TRERF1: variants seen among roughly 807,000 people sequenced by gnomAD.
The protein encoded by TRERF1 is transcriptional regulating factor 1, also known as transcriptional-regulating factor 1.
Under a neutral mutation model 122.9 loss-of-function variants are expected in TRERF1, and 27 were observed. The observed-to-expected ratio is 0.22, with a 90% CI of 0.16 to 0.30. The LOEUF is 0.30. Ranked by LOEUF, TRERF1 falls within the 10% of genes least tolerant of loss-of-function variation. TRERF1 has a pLI of 1.00. For missense variants in TRERF1, 1,248 were observed against 1,560.3 expected, an observed-to-expected ratio of 0.80 and a Z score of 3.37; for synonymous variants, 636 against 641.7, an observed-to-expected ratio of 0.99 and a Z score of 0.13.
At chr6:42,287,562 C>T (rs892410140) in intron 4 of TRERF1, among the ~76,000 whole-genome samples, 5 of 152,134 alleles carry the variant, frequency 3.3e-5, no homozygotes, top group African/African-American at 9.7e-5. Context: ...CACCTCCTCC[C>T]GCCAAACAAA....
chr6:42,354,373 G>C (rs1770097463), intron 3 of TRERF1, among the ~76,000 whole-genome samples: 2 of 141,862 alleles, frequency 1.4e-5, no homozygotes, highest in African/African-American at 6.0e-5. Context: ...TCTTTCCCCA[G>C]TCTGTTGTTT....
At chr6:42,304,664 G>C (rs1325829400) in intron 3 of TRERF1, among the ~76,000 whole-genome samples, 1 of 152,110 alleles carries the variant, frequency 6.6e-6, no homozygotes, top group Admixed American at 6.5e-5. Flanking sequence ...AGAGATCCCA[G>C]AACAATCCAG....
At chr6:42,356,376 C>T (rs1408819449) in intron 3 of TRERF1, among the ~76,000 whole-genome samples, 6 of 152,122 alleles carry the variant, frequency 3.9e-5, no homozygotes. Flanking sequence ...GTGAAGCTCC[C>T]ACGATGGGAT....
chr6:42,422,847 T>C (rs972808745), intron 2 of TRERF1, among the ~76,000 whole-genome samples: 11 of 148,766 alleles, frequency 7.4e-5, no homozygotes, highest in African/African-American at 2.7e-4. Context: ...GTGAGCATCT[T>C]TTTTTTTTTG....
At chr6:42,431,838 G>A (rs1447086969) in intron 2 of TRERF1, among the ~76,000 whole-genome samples, 1 of 152,056 alleles carries the variant, frequency 6.6e-6, no homozygotes, top group East Asian at 1.9e-4. Flanking sequence ...TTCTGTCAAT[G>A]GAAGCTTCTG....
intron 2 of TRERF1, among the ~76,000 whole-genome samples, chr6:42,448,555 A>G (rs1003138700): frequency 6.6e-5 from 10 of 152,230 alleles, no homozygotes; most frequent in African/African-American, 2.4e-4. Context: ...ACCCAAGTCC[A>G]TGAAGCAATT....
rs186843369 is a variant in TRERF1, at chr6:42,254,740, G to A, written c.2656+111C>T. On this transcript the variant is annotated intron_variant, in intron 13 of 17. Coordinates refer to ENST00000372922, the Ensembl canonical transcript of TRERF1. ...GCCCTAGGAGGCCTTGAGATCACAA[G>A]TGGTGATTAGGACAGAACCGGTGTT... The A allele has an allele frequency of 4.1e-5, 41 of 1,001,004 alleles. No homozygotes were observed. The African/African-American group carries it at 5.4e-4, about 13-fold the overall frequency. 62.0% of individuals were successfully genotyped at this position (1,001,004 alleles called of 1,614,324 possible). A position where few individuals can be genotyped will look rare whatever the true frequency, so the allele number is the denominator to read the frequency against.
intron 2 of TRERF1, among the ~76,000 whole-genome samples, chr6:42,379,949 C>A (rs1204900208): frequency 1.3e-5 from 2 of 152,158 alleles, no homozygotes; most frequent in Non-Finnish European, 2.9e-5. Context: ...AAATAAATAT[C>A]TATATGCCAT....
At chr6:42,271,722 A>G (rs1780255518) in intron 4 of TRERF1, among the ~76,000 whole-genome samples, 1 of 152,220 alleles carries the variant, frequency 6.6e-6, no homozygotes, top group African/African-American at 2.4e-5. Flanking sequence ...TCAACTGTGT[A>G]CTATTAATAA....
At chr6:42,355,221 T>C (rs1770276958) in intron 3 of TRERF1, among the ~76,000 whole-genome samples, 1 of 152,214 alleles carries the variant, frequency 6.6e-6, no homozygotes, top group South Asian at 2.1e-4. Flanking sequence ...TTCCTTATAA[T>C]ATTAAAGATT....
chr6:42,258,053 A>G (rs1777085463), intron 10 of TRERF1, 82 bp downstream of exon 10: 1 of 1,216,672 alleles, frequency 8.2e-7, no homozygotes, highest in South Asian at 1.3e-5. Flanking sequence ...CTCTCAGTGT[A>G]ATCCTCTGAC....
intron 3 of TRERF1, among the ~76,000 whole-genome samples, chr6:42,320,506 A>ATTTTTTTTTTT (rs397977723): frequency 7.3e-6 from 1 of 136,752 alleles, no homozygotes; most frequent in African/African-American, 2.9e-5. Flanking sequence ...AAGTGAAAGA[A>ATTTTTTTTTTT]TTTTTTTTTT....
intron 4 of TRERF1, among the ~76,000 whole-genome samples, chr6:42,280,722 C>T (rs1365322647): frequency 1.3e-5 from 2 of 151,770 alleles, no homozygotes; most frequent in Non-Finnish European, 2.9e-5. Context: ...CTCTCGGGGC[C>T]CTTAGGAGGC....
chr6:42,352,695 C>T (rs1308496975), intron 3 of TRERF1, among the ~76,000 whole-genome samples: 9 of 152,028 alleles, frequency 5.9e-5, no homozygotes, highest in Admixed American at 5.9e-4. Context: ...TGTAAAGAGC[C>T]CTTGTGAGCC....
intron 4 of TRERF1, among the ~76,000 whole-genome samples, chr6:42,283,845 A>G (rs186112171): frequency 3.3e-5 from 5 of 151,842 alleles, no homozygotes; most frequent in Non-Finnish European, 7.4e-5. Flanking sequence ...CGAACTCCCA[A>G]CCTCAGGCAA....
In TRERF1 at chr6:42,393,113, C is replaced by T. The variant is rs553956625; in HGVS notation, c.-453-30034G>A. Among the ~76,000 whole-genome samples the T allele has an allele frequency of 6.6e-6, 1 of 152,288 alleles. No individual in the cohort carries two copies. The highest frequency in any genetic ancestry group is 1.9e-4 in the East Asian group (1 of 5,180). On this transcript the variant is annotated intron_variant, in intron 2 of 17. Transcript: ENST00000372922. The surrounding 1 kb of genome is among the most constrained non-coding windows in gnomAD (Gnocchi z 4.1). ...TCCACACGCATCACCGATCTAGGTC[C>T]TATTGTCAATAATCTCTCAAACAGG...
chr6:42,239,662 G>A (rs868500012), intron 15 of TRERF1, among the ~76,000 whole-genome samples: 1 of 152,090 alleles, frequency 6.6e-6, no homozygotes, highest in African/African-American at 2.4e-5. Flanking sequence ...GGTGTCCCAG[G>A]CAGGCCCCGA....
intron 3 of TRERF1, among the ~76,000 whole-genome samples, chr6:42,357,148 G>A (rs1196209006): frequency 1.3e-5 from 2 of 151,652 alleles, no homozygotes. Flanking sequence ...GACCAACATG[G>A]TGAAACCCTG....
chr6:42,279,509 C>A (rs1781907121), intron 4 of TRERF1, among the ~76,000 whole-genome samples: 1 of 152,174 alleles, frequency 6.6e-6, no homozygotes, highest in African/African-American at 2.4e-5. Context: ...ACCCCCTTGG[C>A]CCCACCTACA....
Sources: gnomAD v4.1 joint callset for allele counts (sites outside exome capture counted in the v4.1 genomes callset) on GRCh38, gnomAD v4.1.1 for gene constraint, Gnocchi (gnomAD v3.1) non-coding constraint, MANE v1.5 for transcripts, NCBI Gene and HGNC (gene_info 2026-07-23, HGNC 2026-07-21) for gene names.